BANK1: variants seen among roughly 807,000 people sequenced by gnomAD.
The protein encoded by BANK1 is B cell scaffold protein with ankyrin repeats 1.
BANK1 carries 95 observed loss-of-function variants against 94.5 expected under a neutral mutation model. The ratio of observed to expected loss-of-function variants is 1.00; its 90% CI spans 0.85 to 1.19. The LOEUF is 1.19. Ranked by LOEUF, BANK1 falls within the 50% of genes most tolerant of loss-of-function variation. The probability of loss-of-function intolerance (pLI) is 0.00; values close to 1 mark genes in which losing one functional copy is unlikely to be tolerated. For missense variants in BANK1, 987 were observed against 932.2 expected, an observed-to-expected ratio of 1.06 and a Z score of -0.77; for synonymous variants, 334 against 308.4, an observed-to-expected ratio of 1.08 and a Z score of -0.87.
At chr4:102,063,219 G>C in intron 13 of BANK1, 81 bp downstream of exon 13, 1 of 1,279,482 alleles carries the variant, frequency 7.8e-7, no homozygotes, top group Non-Finnish European at 1.1e-6. Context: ...GATTGGGCCT[G>C]AGTTCAAATC....
intron 7 of BANK1, among the ~76,000 whole-genome samples, chr4:101,939,570 G>A (rs754031155): frequency 1.6e-4 from 25 of 151,640 alleles, no homozygotes; most frequent in Non-Finnish European, 3.0e-4. Flanking sequence ...CAGAGGTTGA[G>A]AGAGACATGG....
At chr4:102,057,264 C>G (rs1380398733) in intron 11 of BANK1, among the ~76,000 whole-genome samples, 1 of 151,744 alleles carries the variant, frequency 6.6e-6, no homozygotes, top group East Asian at 1.9e-4. Flanking sequence ...TTCTCTTTCT[C>G]TCTCTCTCTC....
chr4:101,875,283 T>C (rs1720536367), intron 5 of BANK1, among the ~76,000 whole-genome samples: 1 of 152,138 alleles, frequency 6.6e-6, no homozygotes, highest in Middle Eastern at 3.2e-3. Context: ...TGCCCTATTA[T>C]AACAGAAAAT....
At chr4:102,028,834 C>T (rs1213570017) in intron 9 of BANK1, among the ~76,000 whole-genome samples, 1 of 152,060 alleles carries the variant, frequency 6.6e-6, no homozygotes, top group Non-Finnish European at 1.5e-5. Flanking sequence ...TTCATTCTCA[C>T]ACCATTGATC....
intron 7 of BANK1, among the ~76,000 whole-genome samples, chr4:101,977,497 GTGT>G (rs1175966403): frequency 1.3e-5 from 2 of 152,140 alleles, no homozygotes; most frequent in Non-Finnish European, 1.5e-5. Flanking sequence ...ATCATAAACT[GTGT>G]TGTTATTTAT....
At chr4:101,869,466 C>T (rs1728199987) in intron 4 of BANK1, among the ~76,000 whole-genome samples, 2 of 151,734 alleles carry the variant, frequency 1.3e-5, no homozygotes, top group South Asian at 2.1e-4. Flanking sequence ...GTAATACAGG[C>T]GAGGTGTCTA....
intron 7 of BANK1, chr4:101,972,521 C>T (rs1724990754): frequency 6.6e-6 from 1 of 152,008 alleles, no homozygotes; most frequent in African/African-American, 2.4e-5. Context: ...AAAAGCTGTC[C>T]ACAGTACTAG....
intron 3 of BANK1, among the ~76,000 whole-genome samples, chr4:101,862,254 G>A (rs1727905782): frequency 6.6e-6 from 1 of 152,094 alleles, no homozygotes; most frequent in South Asian, 2.1e-4. Flanking sequence ...AGAAGAAAAG[G>A]AAGAGGCTAT....
chr4:101,951,935 C>T (rs921723665), intron 7 of BANK1, among the ~76,000 whole-genome samples: 2 of 151,848 alleles, frequency 1.3e-5, no homozygotes, highest in African/African-American at 4.8e-5. Flanking sequence ...CATCCTTGAG[C>T]TCAGTTATAG....
chr4:102,023,387 A>G (rs1726979362), intron 8 of BANK1, among the ~76,000 whole-genome samples: 1 of 152,256 alleles, frequency 6.6e-6, no homozygotes, highest in Admixed American at 6.5e-5. Flanking sequence ...TATAAAGGCC[A>G]TGATTGAAAA....
chr4:101,895,910 T>A (rs1001028997), intron 6 of BANK1, among the ~76,000 whole-genome samples: 3 of 151,824 alleles, frequency 2.0e-5, no homozygotes, highest in African/African-American at 7.2e-5. Flanking sequence ...ATCATCTGTT[T>A]AAAAAAGTAC....
chr4:101,862,450 TA>T (rs1375918548), intron 3 of BANK1, 75 bp from the exon 4 acceptor site: 4 of 1,239,704 alleles, frequency 3.2e-6, no homozygotes, highest in Non-Finnish European at 4.4e-6. Flanking sequence ...ACCTTAATTA[TA>T]AAGAAATGTA....
chr4:102,025,066 A>G (rs1727037892), intron 8 of BANK1, 135 bp from the exon 9 acceptor site: 1 of 946,276 alleles, frequency 1.1e-6, no homozygotes, highest in Non-Finnish European at 1.6e-6. Flanking sequence ...AAAGTTACAC[A>G]TTTGACAGCT....
At chr4:101,922,468 A>G (rs897699831) in intron 7 of BANK1, among the ~76,000 whole-genome samples, 3 of 151,824 alleles carry the variant, frequency 2.0e-5, no homozygotes, top group African/African-American at 7.2e-5. Context: ...CCCTCCCACC[A>G]TCAGGTACAC....
intron 10 of BANK1, among the ~76,000 whole-genome samples, chr4:102,040,333 A>G (rs6820143): frequency 0.33 from 50,724 of 151,994 alleles, 8,745 homozygotes; most frequent in South Asian, 0.45. Flanking sequence ...AAAATAAAAA[A>G]GGGTATTATT....
intron 10 of BANK1, among the ~76,000 whole-genome samples, chr4:102,031,698 C>A (rs1727321434): frequency 6.6e-6 from 1 of 152,080 alleles, no homozygotes; most frequent in South Asian, 2.1e-4. Context: ...AAGAAAGATG[C>A]TCAACTCCTA....
chr4:102,001,925 A>T (rs193234304), intron 7 of BANK1, among the ~76,000 whole-genome samples: 107 of 152,346 alleles, frequency 7.0e-4, no homozygotes, highest in Admixed American at 1.2e-3. Context: ...AGTAATTCAT[A>T]CAGTGTGGTA....
chr4:102,052,488 A>G (rs891401687), intron 11 of BANK1, among the ~76,000 whole-genome samples: 7 of 151,036 alleles, frequency 4.6e-5, no homozygotes, highest in African/African-American at 1.7e-4. Flanking sequence ...AGGGAAGGAG[A>G]GTTTTTTTTG....
chr4:101,942,124 T>A (rs1723770326), intron 7 of BANK1, among the ~76,000 whole-genome samples: 1 of 151,852 alleles, frequency 6.6e-6, no homozygotes, highest in African/African-American at 2.4e-5. Flanking sequence ...GACTGAAACA[T>A]CTGGGTGACT....
Sources: gnomAD v4.1 joint callset for allele counts (sites outside exome capture counted in the v4.1 genomes callset) on GRCh38, gnomAD v4.1.1 for gene constraint, MANE v1.5 for transcripts, NCBI Gene and HGNC (gene_info 2026-07-23, HGNC 2026-07-21) for gene names.